SEMA5A: variants seen among roughly 807,000 people sequenced by gnomAD.
SEMA5A encodes semaphorin 5A, also known as semaphorin-5A.
SEMA5A carries 55 observed loss-of-function variants against 135.5 expected under a neutral mutation model. The ratio of observed to expected loss-of-function variants is 0.41; its 90% confidence interval spans 0.33 to 0.51. The LOEUF (loss-of-function observed/expected upper bound fraction) is 0.51, where lower values mean the gene tolerates loss of function less well. Among genes scored for constraint, SEMA5A ranks in the 20% least tolerant of loss-of-function variants. The pLI, the probability that SEMA5A is intolerant of heterozygous loss-of-function variation, is 0.37. For missense variants in SEMA5A, 1,290 were observed against 1,419.9 expected (o/e 0.91, Z 1.47); for synonymous variants, 580 against 546.5 (o/e 1.06, Z -0.85).
At position 9,043,093 on chromosome 5, in the gene SEMA5A, T is replaced by G; in HGVS notation, c.3106-77A>C. 3 of 1,287,886 alleles carry G rather than the reference T, an allele frequency of 2.3e-6. No individual in the cohort carries two copies. The South Asian group carries it at 3.9e-5, about 17-fold the overall frequency. The allele number at this position is 1,287,886 out of a possible 1,614,324, so 79.8% of individuals were successfully genotyped here. ...AGAAATAATATAACAAGGATGACTA[T>G]TATGTTGAATTTGAGCTCTCTGCTA... On this transcript the variant is annotated intron_variant, in intron 22 of 22. Coordinates refer to ENST00000382496, the MANE Select transcript of SEMA5A (RefSeq NM_003966.3).
chr5:9,135,483 G>T (rs1741686283), intron 13 of SEMA5A, among the ~76,000 whole-genome samples: 1 of 151,948 alleles, frequency 6.6e-6, no homozygotes, highest in Non-Finnish European at 1.5e-5. Context: ...GCCCGGCCTG[G>T]TTTTCCGACT....
intron 21 of SEMA5A, among the ~76,000 whole-genome samples, chr5:9,049,151 A>ATTATTTAT (rs3063993): frequency 0.011 from 1,635 of 149,260 alleles, 16 homozygotes; most frequent in African/African-American, 0.032. Flanking sequence ...GAGCTCTTCT[A>ATTATTTAT]TTATTTATTT....
In SEMA5A at chr5:9,197,079, C is replaced by T. The variant is rs78391410; in HGVS notation, c.1068+89G>A. 1.4e-3 allele frequency: 2,252 copies of T among 1,554,544 alleles called. 24 individuals are homozygous for T. The African/African-American group carries it at 0.027, about 19-fold the overall frequency. The stretch of plus-strand genomic sequence containing the variant: ...GACAGCTGCATGGTGCATGCACCCG[C>T]GGTTTAAATTACCCTTGCCTGTCTA... On this transcript the variant is annotated intron_variant, in intron 10 of 22. Transcript: ENST00000382496.
chr5:9,279,477 T>C (rs1750432207), intron 5 of SEMA5A, among the ~76,000 whole-genome samples: 1 of 152,064 alleles, frequency 6.6e-6, no homozygotes, highest in African/African-American at 2.4e-5. Flanking sequence ...GATAAGAGTA[T>C]GGGGGATTGT....
intron 1 of SEMA5A, among the ~76,000 whole-genome samples, chr5:9,462,097 G>A (rs1017307152): frequency 1.3e-5 from 2 of 152,076 alleles, no homozygotes; most frequent in Non-Finnish European, 2.9e-5. Context: ...TCTCATACTC[G>A]AGTTCTAGAA....
At chr5:9,050,523 T>G in intron 20 of SEMA5A, 66 bp from the exon 21 acceptor site, 1 of 1,270,448 alleles carries the variant, frequency 7.9e-7, no homozygotes. Flanking sequence ...CATTCATGCT[T>G]CATGTATGTT....
At chr5:9,153,806 G>C (rs1265593679) in intron 12 of SEMA5A, among the ~76,000 whole-genome samples, 2 of 151,876 alleles carry the variant, frequency 1.3e-5, no homozygotes, top group Non-Finnish European at 2.9e-5. Context: ...AGGACTTTGG[G>C]AGGCAGAGGT....
chr5:9,442,151 C>T (rs1388907622), intron 1 of SEMA5A, among the ~76,000 whole-genome samples: 2 of 152,184 alleles, frequency 1.3e-5, no homozygotes, highest in Admixed American at 6.5e-5. Flanking sequence ...CTTAGAATGT[C>T]CTGCCTGATG....
At chr5:9,386,266 C>T (rs1755883566) in intron 2 of SEMA5A, among the ~76,000 whole-genome samples, 1 of 152,160 alleles carries the variant, frequency 6.6e-6, no homozygotes, top group Admixed American at 6.5e-5. Context: ...CGAAGCCATG[C>T]CCTACACACC....
At chr5:9,372,605 A>G (rs927965390) in intron 3 of SEMA5A, among the ~76,000 whole-genome samples, 1 of 152,126 alleles carries the variant, frequency 6.6e-6, no homozygotes, top group Admixed American at 6.5e-5. Context: ...GCATGGAGCC[A>G]TGAGACATGC....
intron 1 of SEMA5A, among the ~76,000 whole-genome samples, chr5:9,481,105 C>T (rs1212724370): frequency 6.6e-6 from 1 of 152,030 alleles, no homozygotes; most frequent in Non-Finnish European, 1.5e-5. Context: ...AACTACCACG[C>T]CCAGCTAATT....
At chr5:9,315,037 G>A (rs1018429895) in intron 5 of SEMA5A, among the ~76,000 whole-genome samples, 6 of 152,162 alleles carry the variant, frequency 3.9e-5, no homozygotes, top group Non-Finnish European at 4.4e-5. Context: ...AGGCAATGAT[G>A]AGAAAAGTAC....
chr5:9,044,023 T>C (rs191288319), intron 22 of SEMA5A, among the ~76,000 whole-genome samples: 25 of 152,294 alleles, frequency 1.6e-4, no homozygotes, highest in African/African-American at 6.0e-4. Context: ...TGTTATTAAT[T>C]CCTGGTGCTT....
At chr5:9,428,617 C>G (rs1431734690) in intron 2 of SEMA5A, among the ~76,000 whole-genome samples, 1 of 152,142 alleles carries the variant, frequency 6.6e-6, no homozygotes, top group Non-Finnish European at 1.5e-5. Flanking sequence ...CTTTGGTACA[C>G]TGTAAGTGAT....
At chr5:9,122,534 G>A (rs1405748015) in intron 14 of SEMA5A, 122 bp downstream of exon 14, 9 of 957,318 alleles carry the variant, frequency 9.4e-6, no homozygotes, top group Non-Finnish European at 1.3e-5. Flanking sequence ...AATGGTGAAT[G>A]TCCCTGGTGT....
intron 5 of SEMA5A, among the ~76,000 whole-genome samples, chr5:9,255,563 A>C (rs891101843): frequency 2.0e-5 from 3 of 152,258 alleles, no homozygotes; most frequent in Middle Eastern, 3.4e-3. Context: ...TTCTGGGACC[A>C]CCTTCTGCCC....
chr5:9,249,709 A>G (rs189752599), intron 5 of SEMA5A, among the ~76,000 whole-genome samples: 1 of 152,152 alleles, frequency 6.6e-6, no homozygotes, highest in African/African-American at 2.4e-5. Flanking sequence ...GAAGGGGAAC[A>G]CTCAACCCAG....
In SEMA5A at chr5:9,347,852, T is replaced by C. The variant is rs143459476; in HGVS notation, c.125-10040A>G. 3.4e-3 allele frequency among the ~76,000 whole-genome samples: 516 copies of C among 152,304 alleles called. 3 individuals carry two copies. The highest frequency in any genetic ancestry group is 0.012 in the African/African-American group (503 of 41,570). On this transcript the variant is annotated intron_variant, in intron 3 of 22. Coordinates refer to ENST00000382496, the MANE Select transcript of SEMA5A (RefSeq NM_003966.3). The stretch of plus-strand genomic sequence containing the variant: ...ACTAAACATATTTTTCCTTGGTATT[T>C]TGAGAGAAATCTTAGGAAGCAAAAT...
intron 16 of SEMA5A, among the ~76,000 whole-genome samples, chr5:9,069,786 A>G (rs1309199298): frequency 6.6e-6 from 1 of 152,160 alleles, no homozygotes; most frequent in Non-Finnish European, 1.5e-5. Context: ...AGCATCTTTT[A>G]TTATGGCATC....
Sources: gnomAD v4.1 joint callset for allele counts (sites outside exome capture counted in the v4.1 genomes callset) on GRCh38, gnomAD v4.1.1 for gene constraint, MANE v1.5 for transcripts, NCBI Gene and HGNC (gene_info 2026-07-23, HGNC 2026-07-21) for gene names.